ELFN1: variants seen among roughly 807,000 people sequenced by gnomAD.
The protein encoded by ELFN1 is protein ELFN1.
Under a neutral mutation model 7.6 loss-of-function variants are expected in ELFN1, and 6 were observed. The ratio of observed to expected loss-of-function variants is 0.79; its 90% CI spans 0.43 to 1.56. ELFN1 has a LOEUF of 1.56. ELFN1 is among the 40% of genes most tolerant of loss of function. The pLI is 0.01. For missense variants in ELFN1, 1,169 were observed against 1,232.2 expected (o/e 0.95, Z 0.77); for synonymous variants, 657 against 588.1 (o/e 1.12, Z -1.70).
intron 3 of ELFN1, among the ~76,000 whole-genome samples, chr7:1,716,589 C>T (rs1172429094): frequency 1.3e-5 from 2 of 152,246 alleles, no homozygotes; most frequent in Non-Finnish European, 2.9e-5. Flanking sequence ...AGGATATCCA[C>T]ATTCTGCACA....
chr7:1,716,189 C>T (rs1412788103), intron 3 of ELFN1, among the ~76,000 whole-genome samples: 1 of 152,244 alleles, frequency 6.6e-6, no homozygotes, highest in Non-Finnish European at 1.5e-5. Context: ...CCTGCCCACC[C>T]CAAGGTTCTG....
chr7:1,730,822 C>T (rs1305282240), intron 3 of ELFN1, among the ~76,000 whole-genome samples: 2 of 151,980 alleles, frequency 1.3e-5, no homozygotes, highest in African/African-American at 4.8e-5. Flanking sequence ...AGCAATAAGA[C>T]ATGAAACAGA....
chr7:1,708,517 T>G (rs559338131), intron 2 of ELFN1, among the ~76,000 whole-genome samples: 88 of 152,196 alleles, frequency 5.8e-4, no homozygotes, highest in Non-Finnish European at 1.1e-3. Flanking sequence ...GCATTTGGCA[T>G]ACTCTGCTCC....
chr7:1,711,586 GA>G (rs1583347246), intron 3 of ELFN1, among the ~76,000 whole-genome samples: 1 of 116,626 alleles, frequency 8.6e-6, no homozygotes, highest in East Asian at 2.5e-4. Flanking sequence ...GAGAGAGAGA[GA>G]GAGAGAGAGA....
intron 1 of ELFN1, among the ~76,000 whole-genome samples, chr7:1,676,959 C>G (rs942958141): frequency 6.6e-6 from 1 of 152,046 alleles, no homozygotes; most frequent in African/African-American, 2.4e-5. Context: ...TAAGGGCACA[C>G]GAGGGAATGA....
At chr7:1,725,723 G>C (rs1032042045) in intron 3 of ELFN1, among the ~76,000 whole-genome samples, 2 of 152,192 alleles carry the variant, frequency 1.3e-5, no homozygotes, top group Admixed American at 6.5e-5. Context: ...GTGCACGTCG[G>C]GAAAGGGTGG....
intron 2 of ELFN1, among the ~76,000 whole-genome samples, chr7:1,689,528 C>G (rs1583319335): frequency 6.6e-6 from 1 of 152,202 alleles, no homozygotes; most frequent in East Asian, 1.9e-4. Flanking sequence ...GAGGGCTCAG[C>G]TGGGCAGGCC....
Position 1,673,067 on chromosome 7 carries a change from A to G in ELFN1, c.-549+2713A>G. On this transcript the variant is annotated intron_variant, in intron 1 of 3. Coordinates refer to ENST00000424383, the MANE Select transcript of ELFN1 (RefSeq NM_001128636.4). The surrounding 1 kb of genome is among the most constrained non-coding windows in gnomAD (Gnocchi z 4.7). ...TGGCACCGCCGCGGACATTGGATACATTTGTCATCTCTCCAGCGCCCCCCC... is the reference window on the plus strand; with the variant it reads ...TGGCACCGCCGCGGACATTGGATACGTTTGTCATCTCTCCAGCGCCCCCCC... 6.8e-6 allele frequency among the ~76,000 whole-genome samples: 1 copy of G among 147,002 alleles called. No homozygotes were observed. Among genetic ancestry groups the G allele is most frequent in the African/African-American group, 2.6e-5 (1 of 38,584 alleles).
chr7:1,736,672 C>T (rs1244394345), intron 3 of ELFN1, among the ~76,000 whole-genome samples: 2 of 152,172 alleles, frequency 1.3e-5, no homozygotes, highest in East Asian at 1.9e-4. Context: ...GCTGGGGAGA[C>T]ACCAGGCGCC....
rs990902322 is a variant in ELFN1, at chr7:1,744,525, G to T, written c.-72G>T. ...CCCCTCCCGCCCCTCCATCCCTCTGGGGGCTGGCGCCTGGCCCCCCACCTG... is the reference window on the plus strand; with the variant it reads ...CCCCTCCCGCCCCTCCATCCCTCTGTGGGCTGGCGCCTGGCCCCCCACCTG... On this transcript the variant is annotated 5_prime_UTR_variant, in exon 4 of 4. Coordinates refer to ENST00000424383, the MANE Select transcript of ELFN1 (RefSeq NM_001128636.4). The T allele has an allele frequency of 8.4e-6, 12 of 1,423,560 alleles. No individual in the cohort carries two copies. The Admixed American group carries it at 3.3e-4, about 39-fold the overall frequency. 88.2% of individuals were successfully genotyped at this position (1,423,560 alleles called of 1,614,324 possible). A position where few individuals can be genotyped will look rare whatever the true frequency, so the allele number is the denominator to read the frequency against.
chr7:1,697,795 T>G (rs1779349484), intron 2 of ELFN1, among the ~76,000 whole-genome samples: 1 of 152,134 alleles, frequency 6.6e-6, no homozygotes, highest in African/African-American at 2.4e-5. Flanking sequence ...TAATCGTAAT[T>G]TATTTGAGAG....
intron 3 of ELFN1, among the ~76,000 whole-genome samples, chr7:1,712,015 C>G (rs559618027): frequency 6.6e-6 from 1 of 152,306 alleles, no homozygotes; most frequent in East Asian, 1.9e-4. Flanking sequence ...CTGTGCGGAC[C>G]CCAGGCCTTT....
chr7:1,672,727 C>T (rs1203254834), intron 1 of ELFN1, among the ~76,000 whole-genome samples: 1 of 152,104 alleles, frequency 6.6e-6, no homozygotes. Flanking sequence ...CCCCAGGATC[C>T]CTTCCCCCCC....
chr7:1,747,209 G>A lies in ELFN1; in HGVS notation c.*126G>A, dbSNP rs1534789. The stretch of plus-strand genomic sequence containing the variant: ...TGACAGCGGGGGGCCCTGCAGAGGC[G>A]AGGGGGGAGCGAGTGGGGACAGACA... On this transcript the variant is annotated 3_prime_UTR_variant, in exon 4 of 4. Transcript: ENST00000424383. The A allele has an allele frequency of 0.089, 101,777 of 1,142,950 alleles. 4,968 individuals carry two copies. The highest frequency in any genetic ancestry group is 0.13 in the South Asian group (6,836 of 52,372). The allele number at this position is 1,142,950 out of a possible 1,614,324, so 70.8% of individuals were successfully genotyped here.
chr7:1,731,843 T>A (rs1488857073), intron 3 of ELFN1, among the ~76,000 whole-genome samples: 1 of 152,020 alleles, frequency 6.6e-6, no homozygotes, highest in East Asian at 1.9e-4. Context: ...AGAGACGGGG[T>A]TTTGCCATGT....
Position 1,744,986 on chromosome 7 carries a change from C to T in ELFN1, c.390C>T (p.Gly130=). ...ACCTCACGGAGGGCATGCTGCGCGG[C>T]CTGGGCAAGCTGGAGTACCTGTACC... ...LRNLTEGMLR[G]LGKLEYLYLQ... Residue 130 remains glycine, a synonymous_variant, in exon 4 of 4, where the codon GGC becomes GGT. Coordinates refer to ENST00000424383, the MANE Select transcript of ELFN1 (RefSeq NM_001128636.4). The T allele has an allele frequency of 6.4e-7, 1 of 1,551,176 alleles. No homozygotes were observed. Among genetic ancestry groups the T allele is most frequent in the Non-Finnish European group, 8.7e-7 (1 of 1,147,016 alleles).
At chr7:1,683,160 G>A (rs1187558000) in intron 1 of ELFN1, among the ~76,000 whole-genome samples, 1 of 150,718 alleles carries the variant, frequency 6.6e-6, no homozygotes, top group East Asian at 1.9e-4. Context: ...CAGAATAAGT[G>A]GAGAAGTTTT....
intron 3 of ELFN1, among the ~76,000 whole-genome samples, chr7:1,717,867 C>G (rs1779882581): frequency 1.3e-5 from 2 of 152,184 alleles, no homozygotes; most frequent in African/African-American, 4.8e-5. Flanking sequence ...TCCCTTCCCC[C>G]TATGCGCAGA....
Position 1,705,633 on chromosome 7 carries a change from TG to T in ELFN1, c.-455-3453del, listed in dbSNP as rs1779515428. 6.6e-6 allele frequency among the ~76,000 whole-genome samples: 1 copy of T among 152,248 alleles called. No homozygotes were observed. Among genetic ancestry groups the T allele is most frequent in the African/African-American group, 2.4e-5 (1 of 41,470 alleles). On this transcript the variant is annotated intron_variant, in intron 2 of 3. Coordinates refer to ENST00000424383, the MANE Select transcript of ELFN1 (RefSeq NM_001128636.4). This position sits in a 1 kb window ranked among gnomAD's most constrained non-coding sequence, Gnocchi z 4.3. ...CGGAGCCTCAATTTACCCTCGCCTC[TG>T]GGGGCTGCTGTCCCTCTGGGCCCTT...
Sources: allele counts gnomAD v4.1 joint callset (sites outside exome capture counted in the v4.1 genomes callset), GRCh38; gene constraint gnomAD v4.1.1; non-coding constraint Gnocchi (gnomAD v3.1); transcripts MANE v1.5; gene names NCBI Gene and HGNC (gene_info 2026-07-23, HGNC 2026-07-21).